The following L3MBTL4 variants were observed in gnomAD, a reference collection of about 807,000 sequenced individuals.
L3MBTL4 encodes the protein L3MBTL histone methyl-lysine binding protein 4.
A neutral mutation model predicts 84.5 loss-of-function variants in L3MBTL4; 70 were observed. The observed-to-expected ratio is 0.83, with a 90% confidence interval of 0.68 to 1.01. L3MBTL4 has a LOEUF of 1.01. L3MBTL4 is among the 50% of genes least tolerant of loss of function. L3MBTL4 has a pLI of 0.00. For synonymous variants in L3MBTL4, 274 were observed against 259.8 expected (o/e 1.05, Z -0.52); for missense variants, 715 against 754.8 (o/e 0.95, Z 0.62).
chr18:6,093,816 T>C (rs972448269), intron 14 of L3MBTL4, among the ~76,000 whole-genome samples: 1 of 152,242 alleles, frequency 6.6e-6, no homozygotes, highest in African/African-American at 2.4e-5. Context: ...CAGATGTACT[T>C]CCAATGGAAC....
chr18:6,109,560 C>A (rs1191889931), intron 14 of L3MBTL4, among the ~76,000 whole-genome samples: 1 of 152,082 alleles, frequency 6.6e-6, no homozygotes, highest in Non-Finnish European at 1.5e-5. Context: ...TCATTAATAC[C>A]ATTCCAGAGC....
rs113094168 is a variant in L3MBTL4, at chr18:6,380,763, C to T, written c.-91+34038G>A. Among the ~76,000 whole-genome samples, 86 of 152,182 alleles carry T rather than the reference C, an allele frequency of 5.7e-4. 1 individual carries two copies. In the East Asian group the frequency reaches 0.016, roughly 28 times the overall value. On this transcript the variant is annotated intron_variant, in intron 1 of 18. Coordinates refer to ENST00000317931, the MANE Select transcript of L3MBTL4 (RefSeq NM_001330559.2). ...TATACGGTCAATTTTAGAATAAGTG[C>T]GACGAGGTGCTGAGAATAATGTATA...
intron 12 of L3MBTL4, among the ~76,000 whole-genome samples, chr18:6,189,365 C>T (rs886940780): frequency 6.6e-6 from 1 of 152,116 alleles, no homozygotes; most frequent in Non-Finnish European, 1.5e-5. Context: ...AAGAGGTGGA[C>T]GAATCTTTTG....
At chr18:6,108,626 G>A (rs2059089675) in intron 14 of L3MBTL4, among the ~76,000 whole-genome samples, 1 of 152,032 alleles carries the variant, frequency 6.6e-6, no homozygotes, top group Admixed American at 6.5e-5. Context: ...AATTGAAACA[G>A]TCAATCTCAG....
At chr18:6,005,848 G>A (rs12955467) in intron 16 of L3MBTL4, among the ~76,000 whole-genome samples, 81,953 of 151,898 alleles carry the variant, frequency 0.54, 24,150 homozygotes, top group Non-Finnish European at 0.69. Context: ...CTTTGGGTAT[G>A]TACCTGAAAA....
At position 5,993,587 on chromosome 18, in the gene L3MBTL4, G is replaced by A. The variant is rs181433398; in HGVS notation, c.1445-24025C>T. On this transcript the variant is annotated intron_variant, in intron 16 of 18. Coordinates refer to ENST00000317931, the MANE Select transcript of L3MBTL4 (RefSeq NM_001330559.2). Reference sequence around the variant, plus strand: ...TTTAGGATTAGGCATAAACAGAGTCGTTAATTTACACCAAATGACTTTTAC... The same window carrying A: ...TTTAGGATTAGGCATAAACAGAGTCATTAATTTACACCAAATGACTTTTAC... Among the ~76,000 whole-genome samples, 87 of 152,136 alleles carry A rather than the reference G, an allele frequency of 5.7e-4. 1 individual carries two copies. Among genetic ancestry groups the A allele is most frequent in the Admixed American group, 3.8e-3 (58 of 15,276 alleles).
intron 15 of L3MBTL4, among the ~76,000 whole-genome samples, chr18:6,092,513 C>T (rs985350185): frequency 1.1e-4 from 17 of 152,206 alleles, no homozygotes; most frequent in African/African-American, 3.6e-4. Context: ...TCAAATCTTG[C>T]ACAGTCAGGG....
intron 7 of L3MBTL4, among the ~76,000 whole-genome samples, chr18:6,242,472 G>A (rs914801156): frequency 6.6e-6 from 1 of 152,144 alleles, no homozygotes; most frequent in Admixed American, 6.6e-5. Context: ...AGTGCCTCAC[G>A]TGGTAAGGGC....
intron 10 of L3MBTL4, among the ~76,000 whole-genome samples, chr18:6,233,657 A>G (rs1237665354): frequency 6.6e-6 from 1 of 152,030 alleles, no homozygotes; most frequent in Non-Finnish European, 1.5e-5. Flanking sequence ...CTGCTCAATG[A>G]AATAAAAGAG....
chr18:6,400,372 G>T (rs770019608), intron 1 of L3MBTL4, among the ~76,000 whole-genome samples: 1 of 152,120 alleles, frequency 6.6e-6, no homozygotes, highest in Non-Finnish European at 1.5e-5. Flanking sequence ...AAAGTCCAGG[G>T]GTTATATTGA....
At chr18:6,022,936 C>A (rs1785238) in intron 16 of L3MBTL4, among the ~76,000 whole-genome samples, 5,392 of 152,174 alleles carry the variant, frequency 0.035, 319 homozygotes, top group African/African-American at 0.12. Context: ...TTGACTCTTC[C>A]CACCCTCACT....
chr18:6,288,677 G>A (rs890644671), intron 4 of L3MBTL4, among the ~76,000 whole-genome samples: 1 of 151,912 alleles, frequency 6.6e-6, no homozygotes, highest in Non-Finnish European at 1.5e-5. Flanking sequence ...GTTTACTTAG[G>A]TAAATACCTG....
chr18:6,349,929 A>T (rs1288468233), intron 1 of L3MBTL4, among the ~76,000 whole-genome samples: 5 of 152,112 alleles, frequency 3.3e-5, no homozygotes, highest in Non-Finnish European at 4.4e-5. Flanking sequence ...ACTTCATAAA[A>T]AAAATAAATA....
intron 16 of L3MBTL4, among the ~76,000 whole-genome samples, chr18:6,003,786 G>A (rs922956595): frequency 4.6e-5 from 7 of 151,878 alleles, no homozygotes; most frequent in African/African-American, 1.4e-4. Flanking sequence ...ATAATCAATG[G>A]GTCAAAGAGG....
At chr18:6,132,251 C>T (rs1172593445) in intron 14 of L3MBTL4, among the ~76,000 whole-genome samples, 1 of 152,148 alleles carries the variant, frequency 6.6e-6, no homozygotes, top group East Asian at 1.9e-4. Flanking sequence ...CATAACTCCC[C>T]TTTATAAAAC....
chr18:5,958,031 G>GAAA (rs2095238002), intron 18 of L3MBTL4, among the ~76,000 whole-genome samples: 1 of 51,912 alleles, frequency 1.9e-5, no homozygotes, highest in African/African-American at 8.1e-5. Context: ...AGGAGAAAGA[G>GAAA]GAGGAGGAGG....
chr18:6,405,444 A>C (rs2055688960), intron 1 of L3MBTL4, among the ~76,000 whole-genome samples: 1 of 152,240 alleles, frequency 6.6e-6, no homozygotes, highest in Non-Finnish European at 1.5e-5. Context: ...TGTGGTGCAG[A>C]ACAATAGTGC....
At chr18:6,111,923 C>T (rs1479445191) in intron 14 of L3MBTL4, among the ~76,000 whole-genome samples, 1 of 152,098 alleles carries the variant, frequency 6.6e-6, no homozygotes. Context: ...ACATGTTGTG[C>T]AATATATCTC....
chr18:6,197,304 C>A (rs7226542), intron 12 of L3MBTL4, among the ~76,000 whole-genome samples: 8 of 152,028 alleles, frequency 5.3e-5, no homozygotes, highest in African/African-American at 1.5e-4. Flanking sequence ...TGTTGTTCCC[C>A]TCCCTGTGTC....
Sources: gnomAD v4.1 joint callset for allele counts (sites outside exome capture counted in the v4.1 genomes callset) on GRCh38, gnomAD v4.1.1 for gene constraint, MANE v1.5 for transcripts, NCBI Gene and HGNC (gene_info 2026-07-23, HGNC 2026-07-21) for gene names.